The following PARVA variants were observed in gnomAD, a reference collection of about 807,000 sequenced individuals.
PARVA encodes parvin alpha.
A neutral mutation model predicts 52.6 loss-of-function variants in PARVA; 25 were observed. The ratio of observed to expected loss-of-function variants is 0.48; its 90% CI spans 0.35 to 0.66. The LOEUF (loss-of-function observed/expected upper bound fraction) is 0.66. Ranked by LOEUF, PARVA falls within the 30% of genes least tolerant of loss-of-function variation. The pLI, the probability that PARVA is intolerant of heterozygous loss-of-function variation, is 0.01. For synonymous variants in PARVA, 185 were observed against 179.1 expected (o/e 1.03, Z -0.26); for missense variants, 373 against 450.9 (o/e 0.83, Z 1.56).
At chr11:12,501,432 G>A (rs747614403) in intron 5 of PARVA, among the ~76,000 whole-genome samples, 26 of 152,104 alleles carry the variant, frequency 1.7e-4, no homozygotes, top group Middle Eastern at 3.4e-3. Context: ...TTCAACTATG[G>A]TTGGTCCAAA....
At chr11:12,457,611 G>C (rs1940715847) in intron 1 of PARVA, among the ~76,000 whole-genome samples, 1 of 152,152 alleles carries the variant, frequency 6.6e-6, no homozygotes, top group East Asian at 1.9e-4. Flanking sequence ...TGGTGTAGAA[G>C]GGAGAGCTGT....
intron 1 of PARVA, among the ~76,000 whole-genome samples, chr11:12,392,753 G>A (rs907479289): frequency 2.6e-5 from 4 of 152,118 alleles, no homozygotes; most frequent in Non-Finnish European, 4.4e-5. Flanking sequence ...ATACACTCAA[G>A]TGTATTTAAA....
intron 1 of PARVA, among the ~76,000 whole-genome samples, chr11:12,463,782 G>T (rs891291913): frequency 3.3e-5 from 5 of 152,026 alleles, no homozygotes; most frequent in African/African-American, 1.2e-4. Context: ...TCTTCCATGT[G>T]TTAATTTATT....
chr11:12,486,575 G>A (rs1392599794), intron 4 of PARVA, among the ~76,000 whole-genome samples: 1 of 152,070 alleles, frequency 6.6e-6, no homozygotes, highest in Non-Finnish European at 1.5e-5. Context: ...GCTGGGTGCG[G>A]TGGCTCATGC....
Position 12,471,727 on chromosome 11 carries a change from G to A in PARVA, c.137-2018G>A, listed in dbSNP as rs563765780. ...GGTACCAGCCACCTGTGGCCATTGA[G>A]TACTTGAAATGTGGTTGGTGCAGCT... On this transcript the variant is annotated intron_variant, in intron 1 of 12. Coordinates refer to ENST00000334956, the MANE Select transcript of PARVA (RefSeq NM_018222.5). 1.3e-3 allele frequency among the ~76,000 whole-genome samples: 197 copies of A among 152,306 alleles called. 1 individual carries two copies. The highest frequency in any genetic ancestry group is 4.4e-3 in the African/African-American group (181 of 41,566).
chr11:12,457,126 T>G (rs1419672206), intron 1 of PARVA, among the ~76,000 whole-genome samples: 1 of 152,186 alleles, frequency 6.6e-6, no homozygotes, highest in East Asian at 1.9e-4. Context: ...CAAGACTGAA[T>G]AATTATCCAT....
At position 12,531,026 on chromosome 11, in the gene PARVA, G is replaced by C. The variant is rs1941765968; in HGVS notation, c.*3101G>C. 6.6e-6 allele frequency among the ~76,000 whole-genome samples: 1 copy of C among 152,166 alleles called. No homozygotes were observed. The highest frequency in any genetic ancestry group is 1.5e-5 in the Non-Finnish European group (1 of 68,030). Reference sequence around the variant, plus strand: ...CTCTTTTGGAACCTTATGGTGAATTGTATGCAGATTGATGAAGGTTTCATT... The same window carrying C: ...CTCTTTTGGAACCTTATGGTGAATTCTATGCAGATTGATGAAGGTTTCATT... On this transcript the variant is annotated 3_prime_UTR_variant, in exon 13 of 13. Coordinates refer to ENST00000334956, the MANE Select transcript of PARVA (RefSeq NM_018222.5).
chr11:12,439,706 C>G (rs1357168503), intron 1 of PARVA, among the ~76,000 whole-genome samples: 1 of 152,184 alleles, frequency 6.6e-6, no homozygotes, highest in African/African-American at 2.4e-5. Context: ...TCCTCCCACC[C>G]CACTTCCTAT....
intron 1 of PARVA, among the ~76,000 whole-genome samples, chr11:12,460,155 G>A (rs1253810526): frequency 6.6e-6 from 1 of 152,170 alleles, no homozygotes; most frequent in Non-Finnish European, 1.5e-5. Context: ...TGTGTTTGGG[G>A]AGCACTTCCT....
intron 12 of PARVA, among the ~76,000 whole-genome samples, chr11:12,518,822 G>C (rs912155998): frequency 3.9e-5 from 6 of 152,218 alleles, no homozygotes; most frequent in Non-Finnish European, 8.8e-5. Flanking sequence ...CCCTGCACAG[G>C]GTGCTGACCT....
intron 1 of PARVA, among the ~76,000 whole-genome samples, chr11:12,381,958 A>AT (rs151079741): frequency 0.016 from 2,397 of 152,326 alleles, 53 homozygotes; most frequent in African/African-American, 0.054. Flanking sequence ...GTCAAGGTTT[A>AT]TGGTATTTCA....
At chr11:12,402,875 T>C (rs1282509008) in intron 1 of PARVA, among the ~76,000 whole-genome samples, 1 of 152,218 alleles carries the variant, frequency 6.6e-6, no homozygotes, top group African/African-American at 2.4e-5. Context: ...TGGTTGAGTC[T>C]CCATTCTGGG....
chr11:12,496,951 G>A (rs1488077494), intron 5 of PARVA, among the ~76,000 whole-genome samples: 1 of 152,192 alleles, frequency 6.6e-6, no homozygotes, highest in Admixed American at 6.5e-5. Flanking sequence ...GGCTTGGGAA[G>A]CTGAGGTCCC....
Position 12,508,587 on chromosome 11 carries a change from C to G in PARVA, c.661C>G (p.Arg221Gly). Reference protein sequence around the residue: ...VSIQVVVVQKREGILQSRQIQ... With the variant: ...VSIQVVVVQKGEGILQSRQIQ... ...CCTTTCCCCACCCCCATTTCAGAAACGAGAAGGAATCCTCCAGTCTCGGCA... is the reference window on the plus strand; with the variant it reads ...CCTTTCCCCACCCCCATTTCAGAAAGGAGAAGGAATCCTCCAGTCTCGGCA... Residue 221 changes from arginine to glycine, a missense_variant, in exon 7 of 13, where the codon CGA becomes GGA. Coordinates refer to ENST00000334956, the MANE Select transcript of PARVA (RefSeq NM_018222.5). 1 of 1,606,462 alleles carries G rather than the reference C, an allele frequency of 6.2e-7. No individual in the cohort carries two copies. The highest frequency in any genetic ancestry group is 8.5e-7 in the Non-Finnish European group (1 of 1,175,018).
At chr11:12,524,069 A>T (rs1941671648) in intron 12 of PARVA, among the ~76,000 whole-genome samples, 1 of 152,180 alleles carries the variant, frequency 6.6e-6, no homozygotes, top group South Asian at 2.1e-4. Flanking sequence ...TGTTGGCGTT[A>T]GTGGTGAAGG....
intron 12 of PARVA, among the ~76,000 whole-genome samples, chr11:12,522,785 CTG>C (rs1301654149): frequency 1.2e-5 from 1 of 86,270 alleles, no homozygotes; most frequent in African/African-American, 4.3e-5. Flanking sequence ...CTCAGTAAAA[CTG>C]TTAAAAAAAA....
intron 1 of PARVA, among the ~76,000 whole-genome samples, chr11:12,414,448 T>C (rs1940035721): frequency 6.6e-6 from 1 of 152,242 alleles, no homozygotes; most frequent in South Asian, 2.1e-4. Flanking sequence ...AATTTTTAAA[T>C]TCTTTCATCT....
chr11:12,525,288 A>G (rs1348404897), intron 12 of PARVA, among the ~76,000 whole-genome samples: 8 of 152,214 alleles, frequency 5.3e-5, no homozygotes, highest in Non-Finnish European at 7.3e-5. Context: ...CTTGCAGTCC[A>G]TGACAGTGGT....
chr11:12,408,227 C>T (rs544481471), intron 1 of PARVA, among the ~76,000 whole-genome samples: 2 of 152,200 alleles, frequency 1.3e-5, no homozygotes, highest in Non-Finnish European at 2.9e-5. Context: ...CCTTTCCTGT[C>T]GCAGCAGTGA....
Sources: allele counts gnomAD v4.1 joint callset (sites outside exome capture counted in the v4.1 genomes callset), GRCh38; gene constraint gnomAD v4.1.1; transcripts MANE v1.5; gene names NCBI Gene and HGNC (gene_info 2026-07-23, HGNC 2026-07-21).